Variants in PPIP5K2 observed in about 807,000 individuals in gnomAD.
The protein encoded by PPIP5K2 is inositol hexakisphosphate and diphosphoinositol-pentakisphosphate kinase 2.
A neutral mutation model predicts 154.6 loss-of-function variants in PPIP5K2; 105 were observed. That is an observed-to-expected ratio of 0.68 (90% CI 0.58 to 0.80). The LOEUF (loss-of-function observed/expected upper bound fraction) is 0.80, where lower values mean the gene tolerates loss of function less well. Ranked by LOEUF, PPIP5K2 falls within the 30% of genes least tolerant of loss-of-function variation. The pLI is 0.00. For synonymous variants in PPIP5K2, 480 were observed against 490.3 expected (o/e 0.98, Z 0.28); for missense variants, 992 against 1,504.6 (o/e 0.66, Z 5.64).
chr5:103,163,448 T>C (rs944960565), intron 17 of PPIP5K2, among the ~76,000 whole-genome samples: 26 of 151,984 alleles, frequency 1.7e-4, no homozygotes, highest in African/African-American at 6.3e-4. Flanking sequence ...GCATCAACCT[T>C]GTCGAACTCA....
At chr5:103,181,523 A>AC (rs1469971868) in intron 24 of PPIP5K2, among the ~76,000 whole-genome samples, 1 of 151,310 alleles carries the variant, frequency 6.6e-6, no homozygotes, top group African/African-American at 2.4e-5. Flanking sequence ...AGCCGAGACC[A>AC]CCCCCCTGAC....
At chr5:103,168,333 A>G (rs1554218631) in intron 19 of PPIP5K2, 38 bp downstream of exon 19, 1 of 1,458,000 alleles carries the variant, frequency 6.9e-7, no homozygotes, top group Non-Finnish European at 9.5e-7. Flanking sequence ...TATAATATTG[A>G]AAAAATACTT....
At chr5:103,184,599 G>A (rs1800062467) in intron 25 of PPIP5K2, 73 bp from the exon 26 acceptor site, 1 of 1,107,818 alleles carries the variant, frequency 9.0e-7, no homozygotes, top group African/African-American at 1.6e-5. Flanking sequence ...GTCTGGAACA[G>A]GCTGCATATG....
intron 14 of PPIP5K2, among the ~76,000 whole-genome samples, chr5:103,156,245 A>T (rs1474949877): frequency 6.6e-6 from 1 of 152,154 alleles, no homozygotes; most frequent in Non-Finnish European, 1.5e-5. Context: ...TAACTGCGGG[A>T]TTGTTTCGGA....
chr5:103,188,494 A>G (rs1800738372), intron 28 of PPIP5K2: 1 of 152,118 alleles, frequency 6.6e-6, no homozygotes, highest in Non-Finnish European at 1.5e-5. Flanking sequence ...CTCATCCTCA[A>G]CAAGTAAAAA....
chr5:103,202,733 G>A lies in PPIP5K2; in HGVS notation c.*1099G>A, dbSNP rs1803196152. 1 of 152,212 alleles carries A rather than the reference G, an allele frequency of 6.6e-6. No individual in the cohort carries two copies. Among genetic ancestry groups the A allele is most frequent in the African/African-American group, 2.4e-5 (1 of 41,552 alleles). 9.4% of individuals were successfully genotyped at this position (152,212 alleles called of 1,614,324 possible). ...CCTTGGTGCTTTCCCCCCCACCAAT[G>A]CACAAATAATTGTGAACAGCTTGAA... On this transcript the variant is annotated 3_prime_UTR_variant, in exon 31 of 31. Transcript: ENST00000358359.
chr5:103,210,610 C>G lies in PPIP5K2; in HGVS notation c.*8976C>G, dbSNP rs187939557. On this transcript the variant is annotated 3_prime_UTR_variant, in exon 31 of 31. Transcript: ENST00000358359. ...CATTCCCTCTACTATTCCTAGCTCCCTTTTCTTTCATAGTCAACAAGTGCT... is the reference window on the plus strand; with the variant it reads ...CATTCCCTCTACTATTCCTAGCTCCGTTTTCTTTCATAGTCAACAAGTGCT... The G allele has an allele frequency of 1.3e-5, 2 of 152,120 alleles. No homozygotes were observed. Among genetic ancestry groups the G allele is most frequent in the African/African-American group, 4.8e-5 (2 of 41,510 alleles). 9.4% of individuals were successfully genotyped at this position (152,120 alleles called of 1,614,324 possible).
chr5:103,208,851 T>C lies in PPIP5K2; in HGVS notation c.*7217T>C, dbSNP rs797039733. 7 of 152,282 alleles carry C rather than the reference T, an allele frequency of 4.6e-5. No homozygotes were observed. Among genetic ancestry groups the C allele is most frequent in the African/African-American group, 1.7e-4 (7 of 41,570 alleles). The allele number at this position is 152,282 out of a possible 1,614,324, so 9.4% of individuals were successfully genotyped here. ...TTTTGGGGTTGAGGTTAAAGTGTCTTCTAGTTTTGTTGAAGATAGTTTATG... is the reference window on the plus strand; with the variant it reads ...TTTTGGGGTTGAGGTTAAAGTGTCTCCTAGTTTTGTTGAAGATAGTTTATG... On this transcript the variant is annotated 3_prime_UTR_variant, in exon 31 of 31. Coordinates refer to ENST00000358359, the MANE Select transcript of PPIP5K2 (RefSeq NM_001276277.3).
rs1281828835 is a variant in PPIP5K2, at chr5:103,133,641, T to C, written c.303T>C (p.His101=). The change falls in exon 3 of 31, where the codon CAT becomes CAC. Residue 101 remains histidine, a synonymous_variant. Coordinates refer to ENST00000358359, the MANE Select transcript of PPIP5K2 (RefSeq NM_001276277.3). ...TATGTGATTGTCTTATTTCTTTCCA[T>C]TCTAAAGGTATTAAGGGGAGTGGGG... is the stretch of plus-strand genomic sequence containing the variant. The part of the protein sequence containing the change: ...WPLCDCLISF[H]SKGFPLDKAV... The C allele has an allele frequency of 3.1e-6, 5 of 1,598,566 alleles. No homozygotes were observed. Among genetic ancestry groups the C allele is most frequent in the South Asian group, 2.3e-5 (2 of 88,464 alleles).
chr5:103,131,048 G>A (rs2149460862), intron 2 of PPIP5K2, among the ~76,000 whole-genome samples: 1 of 152,202 alleles, frequency 6.6e-6, no homozygotes, highest in East Asian at 1.9e-4. Context: ...GGGATACCTT[G>A]TGAATTATTT....
In PPIP5K2 at chr5:103,202,919, C is replaced by G. The variant is rs1262384408; in HGVS notation, c.*1285C>G. ...AACTATTGTAATTCTTCAAATGAGA[C>G]TCTTCTCACCTTAAATAGTCATATA... On this transcript the variant is annotated 3_prime_UTR_variant, in exon 31 of 31. Coordinates refer to ENST00000358359, the MANE Select transcript of PPIP5K2 (RefSeq NM_001276277.3). 1.3e-5 allele frequency: 2 copies of G among 152,480 alleles called. No homozygotes were observed. Among genetic ancestry groups the G allele is most frequent in the East Asian group, 3.8e-4 (2 of 5,200 alleles). 9.4% of individuals were successfully genotyped at this position (152,480 alleles called of 1,614,324 possible). A position where few individuals can be genotyped will look rare whatever the true frequency, so the allele number is the denominator to read the frequency against.
chr5:103,167,450 T>A (rs1424586005), intron 18 of PPIP5K2, 130 bp downstream of exon 18: 1 of 695,996 alleles, frequency 1.4e-6, no homozygotes, highest in Non-Finnish European at 2.2e-6. Flanking sequence ...TATGAGTTAA[T>A]GTATATCAAG....
chr5:103,192,835 G>C (rs1256475710), intron 29 of PPIP5K2, among the ~76,000 whole-genome samples: 1 of 151,986 alleles, frequency 6.6e-6, no homozygotes, highest in Admixed American at 6.6e-5. Flanking sequence ...AGTCCCTCTA[G>C]CTCTCTTAAA....
chr5:103,184,436 C>T, intron 25 of PPIP5K2: 1 of 376,250 alleles, frequency 2.7e-6, no homozygotes, highest in Non-Finnish European at 4.8e-6. Flanking sequence ...TGTCTTGTTT[C>T]ATACATGATG....
intron 28 of PPIP5K2, among the ~76,000 whole-genome samples, chr5:103,190,371 T>C (rs1280365177): frequency 6.6e-6 from 1 of 151,960 alleles, no homozygotes; most frequent in African/African-American, 2.4e-5. Context: ...GTATCATTGG[T>C]CTTGGCACAC....
chr5:103,195,613 T>TATTA (rs1801968087), intron 30 of PPIP5K2, among the ~76,000 whole-genome samples: 1 of 152,296 alleles, frequency 6.6e-6, no homozygotes, highest in South Asian at 2.1e-4. Flanking sequence ...CCTGAAATGC[T>TATTA]CTCTTACCCT....
chr5:103,131,466 A>G (rs1790597029), intron 2 of PPIP5K2, among the ~76,000 whole-genome samples: 1 of 152,204 alleles, frequency 6.6e-6, no homozygotes, highest in Admixed American at 6.5e-5. Context: ...TACATGATTA[A>G]TTGAATCCAT....
intron 17 of PPIP5K2, among the ~76,000 whole-genome samples, chr5:103,160,570 A>G (rs540061918): frequency 9.2e-5 from 14 of 152,270 alleles, no homozygotes; most frequent in African/African-American, 2.6e-4. Flanking sequence ...TAAATATTTT[A>G]TTTAAAAAAA....
intron 1 of PPIP5K2, among the ~76,000 whole-genome samples, chr5:103,122,154 T>A (rs1554199268): frequency 6.6e-6 from 1 of 152,212 alleles, no homozygotes; most frequent in Non-Finnish European, 1.5e-5. Flanking sequence ...AGTATAATGG[T>A]GGGCATATAG....
Sources: allele counts gnomAD v4.1 joint callset (sites outside exome capture counted in the v4.1 genomes callset), GRCh38; gene constraint gnomAD v4.1.1; transcripts MANE v1.5; gene names NCBI Gene and HGNC (gene_info 2026-07-23, HGNC 2026-07-21).